Variants in ASIC2 observed in about 807,000 individuals in gnomAD.
The protein encoded by ASIC2 is acid sensing ion channel subunit 2, also known as acid-sensing ion channel 2.
Under a neutral mutation model 57.3 loss-of-function variants are expected in ASIC2, and 25 were observed. That is an observed-to-expected ratio of 0.44 (90% CI 0.32 to 0.61). ASIC2 has a LOEUF of 0.61. ASIC2 is among the 20% of genes least tolerant of loss of function. The pLI, the probability that ASIC2 is intolerant of heterozygous loss-of-function variation, is 0.06. For missense variants in ASIC2, 641 were observed against 738.1 expected, an observed-to-expected ratio of 0.87 and a Z score of 1.52; for synonymous variants, 319 against 307.5, an observed-to-expected ratio of 1.04 and a Z score of -0.39.
intron 1 of ASIC2, among the ~76,000 whole-genome samples, chr17:33,774,971 G>A (rs1911220303): frequency 1.3e-5 from 2 of 152,198 alleles, no homozygotes; most frequent in Non-Finnish European, 2.9e-5. Flanking sequence ...CCAGGCCAAT[G>A]CAACAGTCCC....
chr17:33,859,178 G>A (rs1914041193), intron 1 of ASIC2, among the ~76,000 whole-genome samples: 1 of 152,110 alleles, frequency 6.6e-6, no homozygotes, highest in Non-Finnish European at 1.5e-5. Context: ...AATAGTGTTG[G>A]GTTATGTGAC....
chr17:33,780,439 G>T (rs1911416541), intron 1 of ASIC2, among the ~76,000 whole-genome samples: 1 of 152,140 alleles, frequency 6.6e-6, no homozygotes, highest in South Asian at 2.1e-4. Flanking sequence ...AAGTAGAAAA[G>T]CCCAGTGCAA....
intron 1 of ASIC2, among the ~76,000 whole-genome samples, chr17:33,576,951 A>G (rs1037834737): frequency 6.6e-6 from 1 of 152,208 alleles, no homozygotes; most frequent in African/African-American, 2.4e-5. Flanking sequence ...ATGCATTAAT[A>G]TGTGTAATGC....
intron 1 of ASIC2, among the ~76,000 whole-genome samples, chr17:34,045,627 T>C (rs187077403): frequency 1.4e-3 from 214 of 152,336 alleles, no homozygotes; most frequent in Middle Eastern, 6.8e-3. Context: ...TTTAGTCTTC[T>C]GCAGAATGAA....
intron 1 of ASIC2, among the ~76,000 whole-genome samples, chr17:33,174,560 A>G (rs529841998): frequency 6.6e-6 from 1 of 152,208 alleles, no homozygotes; most frequent in African/African-American, 2.4e-5. Flanking sequence ...TGCGGAGCTC[A>G]CATGCACATC....
intron 1 of ASIC2, among the ~76,000 whole-genome samples, chr17:33,924,473 T>C (rs1915780722): frequency 6.6e-6 from 1 of 152,174 alleles, no homozygotes; most frequent in Admixed American, 6.5e-5. Context: ...GCAGAGAAAA[T>C]GCATTCATGC....
intron 1 of ASIC2, among the ~76,000 whole-genome samples, chr17:33,433,779 A>G (rs1414287394): frequency 6.6e-6 from 1 of 152,110 alleles, no homozygotes; most frequent in Non-Finnish European, 1.5e-5. Flanking sequence ...ACAAAAACAA[A>G]AAAACCCCTA....
intron 1 of ASIC2, among the ~76,000 whole-genome samples, chr17:33,251,609 T>G (rs1334495057): frequency 6.6e-6 from 1 of 152,212 alleles, no homozygotes; most frequent in African/African-American, 2.4e-5. Flanking sequence ...ATTACAAGCA[T>G]GAGCCACCAC....
intron 1 of ASIC2, among the ~76,000 whole-genome samples, chr17:33,446,616 G>A (rs746793726): frequency 2.0e-5 from 3 of 152,132 alleles, no homozygotes; most frequent in Non-Finnish European, 4.4e-5. Context: ...AAGAAAAGTA[G>A]TGACGTTCTG....
intron 1 of ASIC2, among the ~76,000 whole-genome samples, chr17:33,139,903 A>C (rs1389172458): frequency 2.0e-5 from 3 of 152,254 alleles, no homozygotes; most frequent in Non-Finnish European, 4.4e-5. Flanking sequence ...CACGGTACAG[A>C]AACTCAGTCT....
At chr17:33,281,215 G>T (rs1904932181) in intron 1 of ASIC2, among the ~76,000 whole-genome samples, 1 of 152,148 alleles carries the variant, frequency 6.6e-6, no homozygotes. Context: ...ACATAAAAGG[G>T]CTCTGACCTA....
intron 1 of ASIC2, among the ~76,000 whole-genome samples, chr17:33,439,322 A>G (rs1461192588): frequency 1.3e-5 from 2 of 152,234 alleles, no homozygotes; most frequent in Admixed American, 6.5e-5. Flanking sequence ...CTGGTCTTAA[A>G]AAGAAAATAA....
chr17:33,926,215 T>C lies in ASIC2; in HGVS notation c.555+229763A>G, dbSNP rs1018379684. Among the ~76,000 whole-genome samples the C allele has an allele frequency of 2.1e-4, 32 of 152,302 alleles. No homozygotes were observed. In the East Asian group the frequency reaches 2.7e-3, roughly 13 times the overall value. ...ATACAAATGTAGGTCACCCTATTTTTATGTTTTGAGCACTGTACTAAGTGC... is the reference window on the plus strand; with the variant it reads ...ATACAAATGTAGGTCACCCTATTTTCATGTTTTGAGCACTGTACTAAGTGC... On this transcript the variant is annotated intron_variant, in intron 1 of 9. Transcript: ENST00000359872.
At chr17:33,226,527 G>A (rs1020897641) in intron 1 of ASIC2, among the ~76,000 whole-genome samples, 1 of 152,140 alleles carries the variant, frequency 6.6e-6, no homozygotes, top group African/African-American at 2.4e-5. Flanking sequence ...AGGAAAAGAG[G>A]TTATGAATGT....
intron 1 of ASIC2, among the ~76,000 whole-genome samples, chr17:33,759,504 T>G (rs907993698): frequency 6.6e-6 from 1 of 152,098 alleles, no homozygotes; most frequent in African/African-American, 2.4e-5. Context: ...GCTAAAGAGA[T>G]TCATATGGAT....
intron 1 of ASIC2, among the ~76,000 whole-genome samples, chr17:33,396,611 T>C (rs1473988022): frequency 6.6e-6 from 1 of 152,204 alleles, no homozygotes; most frequent in East Asian, 1.9e-4. Context: ...GCCTCACTTA[T>C]AGAAGTGGCC....
At chr17:33,394,045 ACG>A (rs902991136) in intron 1 of ASIC2, among the ~76,000 whole-genome samples, 26 of 152,256 alleles carry the variant, frequency 1.7e-4, no homozygotes, top group African/African-American at 6.3e-4. Flanking sequence ...TAAGTGAAAC[ACG>A]CATAAAGAGT....
chr17:34,066,426 A>G (rs545686412), intron 1 of ASIC2, among the ~76,000 whole-genome samples: 24 of 152,172 alleles, frequency 1.6e-4, no homozygotes, highest in Non-Finnish European at 3.2e-4. Flanking sequence ...GTGGGTCCTC[A>G]GCATCTATGT....
At chr17:33,320,405 A>C (rs1906823111) in intron 1 of ASIC2, among the ~76,000 whole-genome samples, 1 of 152,166 alleles carries the variant, frequency 6.6e-6, no homozygotes, top group Non-Finnish European at 1.5e-5. Context: ...CTCTTACGGA[A>C]GGAGTTAACA....
Sources: gnomAD v4.1 joint callset for allele counts (sites outside exome capture counted in the v4.1 genomes callset) on GRCh38, gnomAD v4.1.1 for gene constraint, MANE v1.5 for transcripts, NCBI Gene and HGNC (gene_info 2026-07-23, HGNC 2026-07-21) for gene names.